The following ENTR1 variants were observed in gnomAD, a reference collection of about 807,000 sequenced individuals.
ENTR1 encodes endosome-associated-trafficking regulator 1.
Under a neutral mutation model 47.9 loss-of-function variants are expected in ENTR1, and 47 were observed. That is an observed-to-expected ratio of 0.98 (90% CI 0.78 to 1.25). The LOEUF (loss-of-function observed/expected upper bound fraction) is 1.25, where lower values mean the gene tolerates loss of function less well. ENTR1 is among the 50% of genes most tolerant of loss of function. The probability of loss-of-function intolerance (pLI) is 0.00; values close to 1 mark genes in which losing one functional copy is unlikely to be tolerated. For synonymous variants in ENTR1, 290 were observed against 245.8 expected, an observed-to-expected ratio of 1.18 and a Z score of -1.68; for missense variants, 668 against 570.5, an observed-to-expected ratio of 1.17 and a Z score of -1.74.
At chr9:136,406,918 T>G (rs1834792408) in intron 5 of ENTR1, 1 of 529,082 alleles carries the variant, frequency 1.9e-6, no homozygotes, top group African/African-American at 1.9e-5. Flanking sequence ...AGTGCCCAAC[T>G]GCATCCAATT....
intron 7 of ENTR1, 110 bp downstream of exon 7, chr9:136,404,981 C>T (rs1834693114): frequency 2.3e-6 from 2 of 865,076 alleles, no homozygotes; most frequent in African/African-American, 1.7e-5. Flanking sequence ...CAGAGAGCCA[C>T]ATGGCCCCGC....
At chr9:136,409,972 C>T in intron 2 of ENTR1, 118 bp downstream of exon 2, 1 of 1,266,494 alleles carries the variant, frequency 7.9e-7, no homozygotes, top group African/African-American at 1.5e-5. Context: ...GAGTGCCTGG[C>T]ACGCAGTGAG....
intron 6 of ENTR1, chr9:136,405,427 C>T: frequency 1.9e-6 from 1 of 523,810 alleles, no homozygotes; most frequent in Non-Finnish European, 3.5e-6. Context: ...TGTTTGGTGG[C>T]TTTTTGCCTA....
At chr9:136,406,393 C>T (rs1431646240) in intron 5 of ENTR1, among the ~76,000 whole-genome samples, 2 of 151,864 alleles carry the variant, frequency 1.3e-5, no homozygotes, top group Non-Finnish European at 2.9e-5. Flanking sequence ...CACTTGAACT[C>T]GGGAGGCGGA....
Position 136,410,603 on chromosome 9 carries a change from G to T in ENTR1, c.-206C>A, listed in dbSNP as rs940253478. ...GCGTGCCTGAACGCCTTGGGCCGTC[G>T]GCGAGGGGGAGGGGAAGCCGTGGGC... On this transcript the variant is annotated 5_prime_UTR_variant, in exon 1 of 10. Transcript: ENST00000357365. 5 of 1,286,516 alleles carry T rather than the reference G, an allele frequency of 3.9e-6. No individual in the cohort carries two copies. The highest frequency in any genetic ancestry group is 3.0e-5 in the African/African-American group (2 of 66,204). 79.7% of individuals were successfully genotyped at this position (1,286,516 alleles called of 1,614,324 possible).
chr9:136,408,529 G>A (rs538513269), intron 3 of ENTR1, among the ~76,000 whole-genome samples: 36 of 152,274 alleles, frequency 2.4e-4, no homozygotes, highest in African/African-American at 3.9e-4. Flanking sequence ...AGTGAGCCGA[G>A]ATCGTGCCAC....
At chr9:136,406,345 T>A (rs1319322326) in intron 5 of ENTR1, among the ~76,000 whole-genome samples, 3 of 151,880 alleles carry the variant, frequency 2.0e-5, no homozygotes, top group Non-Finnish European at 4.4e-5. Flanking sequence ...GGCGGGCACC[T>A]GTAGTCCTAA....
intron 7 of ENTR1, 52 bp from the exon 8 acceptor site, chr9:136,404,745 T>C: frequency 6.3e-7 from 1 of 1,591,686 alleles, no homozygotes. Flanking sequence ...GTCCTCACAT[T>C]CATACCGGAC....
chr9:136,402,853 C>G lies in ENTR1; in HGVS notation c.1243G>C (p.Val415Leu), dbSNP rs375386035. ...LVSGAETLNLVAEILKSIDRI... is the reference protein window; with the variant it reads ...LVSGAETLNLLAEILKSIDRI... Reference sequence around the variant, plus strand: ...TCTATAGATTTAAGGATTTCGGCAACAAGATTCAGTGTCTCAGCTCCGGAA... The same window carrying G: ...TCTATAGATTTAAGGATTTCGGCAAGAAGATTCAGTGTCTCAGCTCCGGAA... Residue 415 changes from valine to leucine, a missense_variant, in exon 10 of 10, where the codon GTT (valine) becomes CTT (leucine). By Grantham distance (32) the Val-to-Leu change is conservative (BLOSUM62 1). Transcript: ENST00000357365. The G allele has an allele frequency of 1.2e-6, 2 of 1,612,296 alleles. No individual in the cohort carries two copies. Among genetic ancestry groups the G allele is most frequent in the African/African-American group, 2.7e-5 (2 of 74,478 alleles).
Position 136,402,227 on chromosome 9 carries a change from CCGG to C in ENTR1, c.*558_*560del, listed in dbSNP as rs1834523336. 2 of 153,042 alleles carry C rather than the reference CCGG, an allele frequency of 1.3e-5. No individual in the cohort carries two copies. The highest frequency in any genetic ancestry group is 4.8e-5 in the African/African-American group (2 of 41,578). The allele number at this position is 153,042 out of a possible 1,614,324, so 9.5% of individuals were successfully genotyped here. On this transcript the variant is annotated 3_prime_UTR_variant, in exon 10 of 10. Coordinates refer to ENST00000357365, the MANE Select transcript of ENTR1 (RefSeq NM_001039707.2). ...CGTGTGACCTTGGTCCCCGTGGGTC[CCGG>C]AGGAGGACAGCAGCAGCCACGCGGT...
Position 136,405,376 on chromosome 9 carries a change from G to T in ENTR1, c.894-174C>A. On this transcript the variant is annotated intron_variant, in intron 6 of 9. Coordinates refer to ENST00000357365, the MANE Select transcript of ENTR1 (RefSeq NM_001039707.2). Reference sequence around the variant, plus strand: ...CTGGACCTGTAGCCACCAGGCAGGCGTGCAGGGAGCGGCTCTCACAGCACT... The same window carrying T: ...CTGGACCTGTAGCCACCAGGCAGGCTTGCAGGGAGCGGCTCTCACAGCACT... The T allele has an allele frequency of 5.1e-6, 3 of 586,246 alleles. No homozygotes were observed. The East Asian group carries it at 8.8e-5, about 17-fold the overall frequency. 36.3% of individuals were successfully genotyped at this position (586,246 alleles called of 1,614,324 possible). A position where few individuals can be genotyped will look rare whatever the true frequency, so the allele number is the denominator to read the frequency against.
rs373282483 is a variant in ENTR1, at chr9:136,407,347, G to A, written c.617C>T (p.Ser206Leu). The A allele has an allele frequency of 6.8e-6, 11 of 1,607,796 alleles. No homozygotes were observed. The highest frequency in any genetic ancestry group is 2.0e-4 in the Middle Eastern group (1 of 4,932). Reference sequence around the variant, plus strand: ...AAAGGAAAGGTATGTGCTGCAGGGCGACGTGCCGGCAGGGACCCTCTCGGG... The same window carrying A: ...AAAGGAAAGGTATGTGCTGCAGGGCAACGTGCCGGCAGGGACCCTCTCGGG... ...THPERVPAGT[S>L]PCSTYLSFFS... Residue 206 changes from serine (S) to leucine (L), a missense_variant, in exon 5 of 10, where the codon TCG becomes TTG. Transcript: ENST00000357365.
intron 3 of ENTR1, 76 bp downstream of exon 3, chr9:136,408,923 T>C (rs565811497): frequency 6.3e-6 from 5 of 796,970 alleles, no homozygotes; most frequent in East Asian, 3.8e-5. Context: ...GCCAGTCACA[T>C]TGACAGTCCC....
rs1009347169 is a variant in ENTR1 at position 136,406,043 on chromosome 9, G to C, written c.820-65C>G. 3.4e-6 allele frequency: 4 copies of C among 1,190,954 alleles called. No individual in the cohort carries two copies. The African/African-American group carries it at 4.6e-5, about 14-fold the overall frequency. The allele number at this position is 1,190,954 out of a possible 1,614,324, so 73.8% of individuals were successfully genotyped here. On this transcript the variant is annotated intron_variant, in intron 5 of 9. Transcript: ENST00000357365. ...CTGGCTCAAAAGGGCGTGTGCTTCT[G>C]CGGTGTGGCTCCAGAGCCTCCTGAT...
At chr9:136,407,030 G>T in intron 5 of ENTR1, 115 bp downstream of exon 5, 1 of 1,055,314 alleles carries the variant, frequency 9.5e-7, no homozygotes, top group Non-Finnish European at 1.4e-6. Context: ...CACGCAAATC[G>T]CCTTGTCCTG....
chr9:136,410,036 A>C (rs1359394029), intron 2 of ENTR1, 54 bp downstream of exon 2: 8 of 1,600,330 alleles, frequency 5.0e-6, no homozygotes, highest in Non-Finnish European at 6.8e-6. Context: ...CGGAGGTGCC[A>C]CACGTGGCGC....
intron 3 of ENTR1, among the ~76,000 whole-genome samples, chr9:136,408,581 A>AAC (rs1834899114): frequency 3.3e-5 from 5 of 152,126 alleles, no homozygotes; most frequent in African/African-American, 1.2e-4. Flanking sequence ...CTGTCTCAAA[A>AAC]AACAACAACA....
Position 136,407,921 on chromosome 9 carries a change from G to A in ENTR1, c.307C>T (p.Leu103=). The change falls in exon 4 of 10, where the codon CTG becomes TTG. Residue 103 remains leucine, a synonymous_variant. Transcript: ENST00000357365. ...THFGDDRFED[L]EEANPFSFRE... ...AAAGAGAATGGATTTGCCTCTTCCA[G>A]ATCTTCAAATCTGTCATCTGAAATA... The A allele has an allele frequency of 6.2e-7, 1 of 1,605,850 alleles. No homozygotes were observed. The highest frequency in any genetic ancestry group is 2.2e-5 in the East Asian group (1 of 44,812).
intron 4 of ENTR1, 62 bp downstream of exon 4, chr9:136,407,764 G>A (rs2131562664): frequency 2.8e-6 from 4 of 1,422,970 alleles, no homozygotes; most frequent in Non-Finnish European, 3.0e-6. Context: ...CTCCAAAGGA[G>A]GCTGCAGAGG....
Sources: gnomAD v4.1 joint callset for allele counts (sites outside exome capture counted in the v4.1 genomes callset) on GRCh38, gnomAD v4.1.1 for gene constraint, MANE v1.5 for transcripts, NCBI Gene and HGNC (gene_info 2026-07-23, HGNC 2026-07-21) for gene names.